The following B3GALT1 variants were observed in gnomAD, a reference collection of about 807,000 sequenced individuals.
B3GALT1 encodes the protein UDP-Gal:betaGlcNAc beta 1,3-galactosyltransferase, polypeptide 1.
B3GALT1 carries 10 observed loss-of-function variants against 23.2 expected under a neutral mutation model. The observed-to-expected ratio is 0.43, with a 90% CI of 0.27 to 0.73. The LOEUF (loss-of-function observed/expected upper bound fraction) is 0.73. Among genes scored for constraint, B3GALT1 ranks in the 30% least tolerant of loss-of-function variants. The pLI, the probability that B3GALT1 is intolerant of heterozygous loss-of-function variation, is 0.21. For missense variants in B3GALT1, 299 were observed against 405.4 expected (o/e 0.74, Z 2.25); for synonymous variants, 156 against 141.5 (o/e 1.10, Z -0.73).
chr2:167,429,404 A>C (rs2105306531), intron 1 of B3GALT1, among the ~76,000 whole-genome samples: 1 of 152,254 alleles, frequency 6.6e-6, no homozygotes, highest in East Asian at 1.9e-4. Flanking sequence ...TTAACTGAAA[A>C]TTTCTGAGTT....
At chr2:167,438,320 CTGTTGAT>C (rs1698818571) in intron 1 of B3GALT1, among the ~76,000 whole-genome samples, 1 of 152,160 alleles carries the variant, frequency 6.6e-6, no homozygotes, top group African/African-American at 2.4e-5. Context: ...AAGTGACACA[CTGTTGAT>C]TAGTGCCTGA....
chr2:167,872,763 CT>C lies in B3GALT1; in HGVS notation c.*2749del, dbSNP rs1287247274. 1.3e-5 allele frequency: 2 copies of C among 152,176 alleles called. No individual in the cohort carries two copies. The highest frequency in any genetic ancestry group is 1.3e-4 in the Admixed American group (2 of 15,274). The allele number at this position is 152,176 out of a possible 1,614,324, so 9.4% of individuals were successfully genotyped here. A position where few individuals can be genotyped will look rare whatever the true frequency, so the allele number is the denominator to read the frequency against. The stretch of plus-strand genomic sequence containing the variant: ...TATGTCTTAAAGAACTATTTCCTTA[CT>C]TTTTTATGCTAGGTAATGCCCATGT... On this transcript the variant is annotated 3_prime_UTR_variant, in exon 5 of 5. Transcript: ENST00000392690.
At chr2:167,862,731 G>C (rs1261384261) in intron 4 of B3GALT1, 2 of 152,288 alleles carry the variant, frequency 1.3e-5, no homozygotes, top group East Asian at 3.9e-4. Flanking sequence ...CTGTACAAAA[G>C]AATTTCAGCA....
Position 167,458,858 on chromosome 2 carries a change from C to CTT in B3GALT1, c.-510-31318_-510-31317insTT, listed in dbSNP as rs138289040. Among the ~76,000 whole-genome samples, 883 of 152,204 alleles carry CTT rather than the reference C, an allele frequency of 5.8e-3. 9 individuals carry two copies. The highest frequency in any genetic ancestry group is 0.02 in the African/African-American group (847 of 41,536). On this transcript the variant is annotated intron_variant, in intron 1 of 4. Transcript: ENST00000392690. ...AATGCAACTAAGTTTTTTGTATTGA[C>CTT]TGTATCCTGATACTTTGCTGAACTT...
intron 1 of B3GALT1, among the ~76,000 whole-genome samples, chr2:167,379,894 G>A (rs1034539914): frequency 2.0e-5 from 3 of 152,214 alleles, no homozygotes; most frequent in Non-Finnish European, 2.9e-5. Context: ...CAGGAGAATG[G>A]GAACTCCAGA....
At chr2:167,837,395 G>C in intron 4 of B3GALT1, among the ~76,000 whole-genome samples, 1 of 151,418 alleles carries the variant, frequency 6.6e-6, no homozygotes, top group Non-Finnish European at 1.5e-5. Context: ...TGATAAAACA[G>C]ACTTTAAACC....
intron 3 of B3GALT1, among the ~76,000 whole-genome samples, chr2:167,741,890 C>T (rs1328302511): frequency 6.6e-6 from 1 of 152,142 alleles, no homozygotes. Flanking sequence ...TCATAACTTA[C>T]TGAGAGTATA....
intron 1 of B3GALT1, among the ~76,000 whole-genome samples, chr2:167,345,353 T>C (rs567247842): frequency 1.3e-5 from 2 of 152,228 alleles, no homozygotes; most frequent in East Asian, 3.9e-4. Context: ...TTTTTTCTAA[T>C]GGAGATTGCT....
At chr2:167,756,702 G>C (rs1687823904) in intron 3 of B3GALT1, among the ~76,000 whole-genome samples, 1 of 152,178 alleles carries the variant, frequency 6.6e-6, no homozygotes, top group African/African-American at 2.4e-5. Context: ...GTTTCAACCA[G>C]AGAACCTCTG....
intron 1 of B3GALT1, among the ~76,000 whole-genome samples, chr2:167,324,574 T>G (rs1696863145): frequency 6.6e-6 from 1 of 152,146 alleles, no homozygotes; most frequent in Non-Finnish European, 1.5e-5. Context: ...TTGAGGCTTT[T>G]TAATGTTAAA....
chr2:167,836,818 C>A (rs1689488736), intron 4 of B3GALT1, among the ~76,000 whole-genome samples: 2 of 152,232 alleles, frequency 1.3e-5, no homozygotes, highest in Non-Finnish European at 2.9e-5. Flanking sequence ...ATCAGACTAA[C>A]AGCGGATCTC....
intron 2 of B3GALT1, among the ~76,000 whole-genome samples, chr2:167,619,874 T>C (rs1265194846): frequency 6.6e-6 from 1 of 152,116 alleles, no homozygotes; most frequent in East Asian, 1.9e-4. Context: ...GGAATAGGTA[T>C]GCACTGGTAA....
intron 2 of B3GALT1, among the ~76,000 whole-genome samples, chr2:167,618,904 A>C (rs1194072501): frequency 6.6e-6 from 1 of 151,666 alleles, no homozygotes; most frequent in Non-Finnish European, 1.5e-5. Flanking sequence ...TGATCATTTG[A>C]TGTAAGATTT....
At chr2:167,413,285 A>G (rs939623211) in intron 1 of B3GALT1, among the ~76,000 whole-genome samples, 1 of 152,038 alleles carries the variant, frequency 6.6e-6, no homozygotes, top group Non-Finnish European at 1.5e-5. Flanking sequence ...ATATATGACC[A>G]GTTTTGTAAA....
intron 1 of B3GALT1, among the ~76,000 whole-genome samples, chr2:167,429,622 A>G (rs908752640): frequency 6.6e-6 from 1 of 152,194 alleles, no homozygotes; most frequent in Non-Finnish European, 1.5e-5. Context: ...GTTTCTGATA[A>G]AAGCAAGCAC....
intron 4 of B3GALT1, among the ~76,000 whole-genome samples, chr2:167,864,805 C>G (rs893057927): frequency 6.6e-6 from 1 of 152,112 alleles, no homozygotes; most frequent in Non-Finnish European, 1.5e-5. Context: ...TCTTATAACA[C>G]TGTCAGGAAT....
rs1683747437 is a variant in B3GALT1, at chr2:167,551,599, C to A, written c.-410+61322C>A. Among the ~76,000 whole-genome samples, 3 of 152,268 alleles carry A rather than the reference C, an allele frequency of 2.0e-5. No individual in the cohort carries two copies. The South Asian group carries it at 6.2e-4, about 32-fold the overall frequency. On this transcript the variant is annotated intron_variant, in intron 2 of 4. Transcript: ENST00000392690. Reference sequence around the variant, plus strand: ...GAAATGATAGAAATCAGCCAACAGCCTGCTCTCTAAGCAGTGCCCTCGGGG... The same window carrying A: ...GAAATGATAGAAATCAGCCAACAGCATGCTCTCTAAGCAGTGCCCTCGGGG...
At chr2:167,746,902 G>A (rs371274720) in intron 3 of B3GALT1, among the ~76,000 whole-genome samples, 38 of 152,258 alleles carry the variant, frequency 2.5e-4, no homozygotes, top group African/African-American at 8.7e-4. Flanking sequence ...GGTGTTGAAA[G>A]TGCATGCATT....
intron 2 of B3GALT1, among the ~76,000 whole-genome samples, chr2:167,530,372 G>A (rs930611939): frequency 4.6e-5 from 7 of 152,050 alleles, no homozygotes; most frequent in Non-Finnish European, 1.0e-4. Context: ...GAAGGCATAG[G>A]CTTCCTATAA....
Sources: allele counts gnomAD v4.1 joint callset (sites outside exome capture counted in the v4.1 genomes callset), GRCh38; gene constraint gnomAD v4.1.1; transcripts MANE v1.5; gene names NCBI Gene and HGNC (gene_info 2026-07-23, HGNC 2026-07-21).